ABL2: variants seen among roughly 807,000 people sequenced by gnomAD.
The protein encoded by ABL2 is ABL proto-oncogene 2, non-receptor tyrosine kinase.
ABL2 carries 49 observed loss-of-function variants against 107.7 expected under a neutral mutation model. The observed-to-expected ratio is 0.45, with a 90% CI of 0.36 to 0.58. The LOEUF (loss-of-function observed/expected upper bound fraction) is 0.58. ABL2 is among the 20% of genes least tolerant of loss of function. The pLI is 0.00. For synonymous variants in ABL2, 549 were observed against 548.6 expected (o/e 1.00, Z -0.01); for missense variants, 1,245 against 1,457.0 (o/e 0.85, Z 2.37).
intron 1 of ABL2, among the ~76,000 whole-genome samples, chr1:179,143,705 T>C (rs1315399921): frequency 6.6e-6 from 1 of 152,256 alleles, no homozygotes; most frequent in Non-Finnish European, 1.5e-5. Context: ...TATTTACTTA[T>C]TTATTTTTTG....
intron 1 of ABL2, among the ~76,000 whole-genome samples, chr1:179,134,313 G>A (rs546147053): frequency 1.3e-5 from 2 of 152,276 alleles, no homozygotes; most frequent in East Asian, 3.9e-4. Flanking sequence ...TTGGGAGACT[G>A]GGCAGGTGGA....
chr1:179,156,633 G>T (rs1658705485), intron 1 of ABL2, among the ~76,000 whole-genome samples: 1 of 152,128 alleles, frequency 6.6e-6, no homozygotes, highest in South Asian at 2.1e-4. Context: ...CCAGCACTTT[G>T]GGAGGCCAAG....
At position 179,099,453 on chromosome 1, in the gene ABL2, A is replaced by G. The variant is rs1652915746; in HGVS notation, c.*8265T>C. 1 of 218,874 alleles carries G rather than the reference A, an allele frequency of 4.6e-6. No individual in the cohort carries two copies. Among genetic ancestry groups the G allele is most frequent in the Admixed American group, 5.8e-5 (1 of 17,250 alleles). The allele number at this position is 218,874 out of a possible 1,614,324, so 13.6% of individuals were successfully genotyped here. ...TATTTACATCAAGTTTAACACTGTT[A>G]GCAGTTCACAGTCAGACAACAGACG... On this transcript the variant is annotated 3_prime_UTR_variant, in exon 12 of 12. Coordinates refer to ENST00000502732, the MANE Select transcript of ABL2 (RefSeq NM_007314.4).
rs532453154 is a variant in ABL2, at chr1:179,152,683, T to C, written c.158-19309A>G. Among the ~76,000 whole-genome samples, 89 of 152,350 alleles carry C rather than the reference T, an allele frequency of 5.8e-4. 1 individual carries two copies. Among genetic ancestry groups the C allele is most frequent in the South Asian group, 3.5e-3 (17 of 4,830 alleles). Reference sequence around the variant, plus strand: ...CACAGTAAGCAACAAGGAATCATTCTAGGTTTGTGAGTAGTAGCAGCACAA... The same window carrying C: ...CACAGTAAGCAACAAGGAATCATTCCAGGTTTGTGAGTAGTAGCAGCACAA... On this transcript the variant is annotated intron_variant, in intron 1 of 11. Coordinates refer to ENST00000502732, the MANE Select transcript of ABL2 (RefSeq NM_007314.4).
intron 1 of ABL2, among the ~76,000 whole-genome samples, chr1:179,163,428 T>C (rs1044440947): frequency 1.2e-4 from 18 of 152,214 alleles, no homozygotes; most frequent in Admixed American, 5.9e-4. Flanking sequence ...TGAACACAAA[T>C]GTTTATGGCA....
chr1:179,184,683 A>G, intron 1 of ABL2: 1 of 463,060 alleles, frequency 2.2e-6, no homozygotes, highest in South Asian at 2.3e-5. Flanking sequence ...AGGGTGAAGG[A>G]GAAGATGACT....
chr1:179,114,030 G>A (rs10913694), intron 9 of ABL2, among the ~76,000 whole-genome samples: 2,052 of 152,052 alleles, frequency 0.013, 65 homozygotes, highest in African/African-American at 0.046. Flanking sequence ...TAAGGCGGGC[G>A]CATCACTTGA....
intron 6 of ABL2, 34 bp from the exon 7 acceptor site, chr1:179,118,798 G>C: frequency 6.2e-7 from 1 of 1,606,540 alleles, no homozygotes; most frequent in Non-Finnish European, 8.5e-7. Flanking sequence ...GTTTTTATTA[G>C]TGTACATTCA....
chr1:179,210,015 C>T (rs1274436722), intron 1 of ABL2, among the ~76,000 whole-genome samples: 1 of 152,122 alleles, frequency 6.6e-6, no homozygotes, highest in Non-Finnish European at 1.5e-5. Context: ...GCTAGGACTA[C>T]AGGCACACAG....
intron 1 of ABL2, among the ~76,000 whole-genome samples, chr1:179,142,257 A>G (rs1657658178): frequency 6.6e-6 from 1 of 152,240 alleles, no homozygotes; most frequent in South Asian, 2.1e-4. Flanking sequence ...GATAACAGAA[A>G]TATATTATCA....
intron 1 of ABL2, 54 bp from the exon 2 acceptor site, chr1:179,133,428 T>C (rs1656539880): frequency 6.2e-7 from 1 of 1,613,572 alleles, no homozygotes; most frequent in Non-Finnish European, 8.5e-7. Context: ...TTCAATAGTT[T>C]AACATCAAGC....
chr1:179,214,475 T>C (rs1398362019), intron 1 of ABL2, among the ~76,000 whole-genome samples: 1 of 146,338 alleles, frequency 6.8e-6, no homozygotes, highest in South Asian at 2.2e-4. Context: ...ATTAACAATG[T>C]GCAGGAGGAG....
intron 1 of ABL2, among the ~76,000 whole-genome samples, chr1:179,195,966 A>G (rs1301324243): frequency 6.6e-6 from 1 of 152,226 alleles, no homozygotes; most frequent in East Asian, 1.9e-4. Flanking sequence ...GATGGTGGTC[A>G]TGTATGGTTA....
intron 5 of ABL2, 102 bp downstream of exon 5, chr1:179,121,493 G>T: frequency 6.9e-7 from 1 of 1,442,958 alleles, no homozygotes; most frequent in South Asian, 1.3e-5. Flanking sequence ...GGCACTAGTG[G>T]GTGGAAAGTG....
intron 1 of ABL2, among the ~76,000 whole-genome samples, chr1:179,144,114 C>T (rs1181906477): frequency 6.6e-6 from 1 of 152,066 alleles, no homozygotes; most frequent in Admixed American, 6.5e-5. Context: ...ACTAGTAAAA[C>T]CTACAAATAA....
At chr1:179,200,667 T>C (rs1661617090) in intron 1 of ABL2, among the ~76,000 whole-genome samples, 1 of 152,218 alleles carries the variant, frequency 6.6e-6, no homozygotes, top group African/African-American at 2.4e-5. Context: ...TATAAACTTA[T>C]CTGATCCACT....
At chr1:179,229,174 C>CA in intron 1 of ABL2, 67 bp downstream of exon 1, 1 of 310,148 alleles carries the variant, frequency 3.2e-6, no homozygotes, top group Non-Finnish European at 6.5e-6. Flanking sequence ...CCGTCCGCCA[C>CA]CCACCCCGCC....
rs373225146 is a variant in ABL2, at chr1:179,105,115, C to A, written c.*2603G>T. ...TCAATGCCACTCTTGACAGTGTTGACAAAAATCAATTCCATTTATATATCG... is the reference window on the plus strand; with the variant it reads ...TCAATGCCACTCTTGACAGTGTTGAAAAAAATCAATTCCATTTATATATCG... On this transcript the variant is annotated 3_prime_UTR_variant, in exon 12 of 12. Coordinates refer to ENST00000502732, the MANE Select transcript of ABL2 (RefSeq NM_007314.4). The A allele has an allele frequency of 1.3e-5, 3 of 230,374 alleles. No homozygotes were observed. The East Asian group carries it at 1.8e-4, about 14-fold the overall frequency. 14.3% of individuals were successfully genotyped at this position (230,374 alleles called of 1,614,324 possible). A position where few individuals can be genotyped will look rare whatever the true frequency, so the allele number is the denominator to read the frequency against.
chr1:179,178,035 C>T (rs1385799319), intron 1 of ABL2, among the ~76,000 whole-genome samples: 1 of 152,120 alleles, frequency 6.6e-6, no homozygotes, highest in Admixed American at 6.6e-5. Flanking sequence ...AAATGGAATA[C>T]ACAAATTTTG....
Sources: gnomAD v4.1 joint callset for allele counts (sites outside exome capture counted in the v4.1 genomes callset) on GRCh38, gnomAD v4.1.1 for gene constraint, MANE v1.5 for transcripts, NCBI Gene and HGNC (gene_info 2026-07-23, HGNC 2026-07-21) for gene names.